The following CUX1 variants were observed in gnomAD, a reference collection of about 807,000 sequenced individuals.
CUX1 encodes the protein cut like homeobox 1, also known as protein CASP.
In CUX1, 31 loss-of-function variants were observed where a neutral mutation model predicts 158.8. The ratio of observed to expected loss-of-function variants is 0.20; its 90% confidence interval spans 0.15 to 0.26. The LOEUF (loss-of-function observed/expected upper bound fraction) is 0.26. CUX1 is among the 10% of genes least tolerant of loss of function. The pLI, the probability that CUX1 is intolerant of heterozygous loss-of-function variation, is 1.00. For missense variants in CUX1, 1,589 were observed against 2,014.6 expected (o/e 0.79, Z 4.04); for synonymous variants, 879 against 862.1 (o/e 1.02, Z -0.34).
intron 9 of CUX1, among the ~76,000 whole-genome samples, chr7:102,165,002 G>T (rs192060776): frequency 8.1e-4 from 124 of 152,270 alleles, no homozygotes; most frequent in Admixed American, 2.0e-3. Context: ...CAGGGTGGGG[G>T]AAGGAGTCTG....
rs1246831975 is a variant in CUX1, at chr7:102,041,666, ATTTTT to A, written c.189+13537_189+13541del. ...GGGCTTCATTTATATCTCCCTTTTG[ATTTTT>A]TTTTTTTTTTTTTTTGAGATGGAGT... On this transcript the variant is annotated intron_variant, in intron 3 of 23. Transcript: ENST00000292535. 7.6e-5 allele frequency among the ~76,000 whole-genome samples: 8 copies of A among 104,924 alleles called. No individual in the cohort carries two copies. In the East Asian group the frequency reaches 2.1e-3, roughly 28 times the overall value. The allele number at this position is 104,924 out of a possible 152,430, so 68.8% of individuals were successfully genotyped here. A position where few individuals can be genotyped will look rare whatever the true frequency, so the allele number is the denominator to read the frequency against.
At chr7:102,022,279 G>A (rs1387992276) in intron 2 of CUX1, among the ~76,000 whole-genome samples, 2 of 152,160 alleles carry the variant, frequency 1.3e-5, no homozygotes, top group Non-Finnish European at 2.9e-5. Context: ...TTGCTGTTCA[G>A]TTCTCTGACC....
rs142843929 is a variant in CUX1, at chr7:102,072,213, G to A, written c.268+1796G>A. ...GAGTGGGCTGAGCAGCCGCTCAAGG[G>A]CCCAGATACAGATTCTTCTCGGGTC... On this transcript the variant is annotated intron_variant, in intron 4 of 23. Transcript: ENST00000292535. Among the ~76,000 whole-genome samples the A allele has an allele frequency of 3.9e-4, 59 of 152,324 alleles. 1 individual carries two copies. Among genetic ancestry groups the A allele is most frequent in the African/African-American group, 1.3e-3 (56 of 41,574 alleles).
chr7:101,963,208 C>T (rs894313915), intron 2 of CUX1, among the ~76,000 whole-genome samples: 20 of 152,154 alleles, frequency 1.3e-4, no homozygotes, highest in African/African-American at 3.4e-4. Context: ...ACCCCAGCAC[C>T]GGTTTCAGTG....
chr7:101,847,475 A>T (rs1795818541), intron 1 of CUX1, among the ~76,000 whole-genome samples: 1 of 152,054 alleles, frequency 6.6e-6, no homozygotes. Context: ...TTGTTCCAGC[A>T]CTTCTTAGCT....
intron 1 of CUX1, among the ~76,000 whole-genome samples, chr7:101,829,736 C>G (rs1162887353): frequency 6.6e-6 from 1 of 152,094 alleles, no homozygotes; most frequent in African/African-American, 2.4e-5. Flanking sequence ...CTGGCTGGAG[C>G]CTTGCCCTGG....
At chr7:102,212,080 C>T (rs1554523332) in intron 20 of CUX1, among the ~76,000 whole-genome samples, 1 of 152,168 alleles carries the variant, frequency 6.6e-6, no homozygotes, top group Non-Finnish European at 1.5e-5. Context: ...CAAGCGCCTC[C>T]AGATGCTTGT....
chr7:102,107,535 C>G (rs1317871957), intron 6 of CUX1, among the ~76,000 whole-genome samples: 1 of 152,242 alleles, frequency 6.6e-6, no homozygotes, highest in African/African-American at 2.4e-5. Flanking sequence ...GAGCAAAACT[C>G]TGTCTCCAAA....
intron 3 of CUX1, among the ~76,000 whole-genome samples, chr7:102,065,614 G>T (rs140940401): frequency 9.9e-5 from 15 of 152,240 alleles, no homozygotes; most frequent in African/African-American, 3.6e-4. Flanking sequence ...TAAACTCATC[G>T]GCCTGACCGT....
intron 20 of CUX1, among the ~76,000 whole-genome samples, chr7:102,212,203 G>A (rs1351000146): frequency 1.3e-5 from 2 of 152,096 alleles, no homozygotes; most frequent in Admixed American, 1.3e-4. Flanking sequence ...GCCCTGCCTG[G>A]GGGACCCTGC....
Position 102,201,876 on chromosome 7 carries a change from G to T in CUX1, c.2579G>T (p.Gly860Val), listed in dbSNP as rs782389921. 37 of 1,613,332 alleles carry T rather than the reference G, an allele frequency of 2.3e-5. No homozygotes were observed. The highest frequency in any genetic ancestry group is 3.0e-5 in the Non-Finnish European group (35 of 1,179,898). ...AAGGGCAGCGGTGGCAGCGGAGGTG[G>T]CAGCCAGCCTCGGGCCGAGCGCAGT... is the stretch of plus-strand genomic sequence containing the variant. The part of the protein sequence containing the change: ...KEKGSGGSGG[G>V]SQPRAERSQL... Residue 860 changes from glycine to valine, a missense_variant, in exon 18 of 24, where the codon GGC (glycine) becomes GTC (valine). Physicochemically the swap from Gly to Val is moderately radical, Grantham distance 109. Transcript: ENST00000292535. This position sits in a 1 kb window ranked among gnomAD's most constrained non-coding sequence, Gnocchi z 5.0.
chr7:102,007,996 T>C (rs1157335161), intron 2 of CUX1, among the ~76,000 whole-genome samples: 1 of 152,132 alleles, frequency 6.6e-6, no homozygotes. Context: ...CTACCTGCCT[T>C]GGCCTCCCAA....
chr7:102,026,838 A>C (rs980104937), intron 2 of CUX1, among the ~76,000 whole-genome samples: 7 of 151,682 alleles, frequency 4.6e-5, no homozygotes, highest in Admixed American at 1.3e-4. Flanking sequence ...AAAAAAAAAA[A>C]AAAAAACATA....
chr7:101,862,040 G>A (rs1354096682), intron 1 of CUX1, among the ~76,000 whole-genome samples: 3 of 152,112 alleles, frequency 2.0e-5, no homozygotes, highest in Non-Finnish European at 4.4e-5. Context: ...TCACCATGTT[G>A]GCCAGGCTGG....
chr7:102,003,332 A>ACACG (rs1554448393), intron 2 of CUX1, among the ~76,000 whole-genome samples: 4 of 145,698 alleles, frequency 2.7e-5, no homozygotes, highest in African/African-American at 8.2e-5. Context: ...ACACACACAC[A>ACACG]CACGCCCGCC....
Position 101,817,730 on chromosome 7 carries a change from G to T in CUX1, c.30+61G>T. ...AGGCGCGGAGGGAACCGGGGATGTCGGGGGGTGCCCGGGTCCCGCGGCTTA... is the reference window on the plus strand; with the variant it reads ...AGGCGCGGAGGGAACCGGGGATGTCTGGGGGTGCCCGGGTCCCGCGGCTTA... On this transcript the variant is annotated intron_variant, in intron 1 of 23. Coordinates refer to ENST00000292535, the MANE Select transcript of CUX1 (RefSeq NM_181552.4). The surrounding 1 kb of genome is among the most constrained non-coding windows in gnomAD (Gnocchi z 4.1). 5 of 1,529,402 alleles carry T rather than the reference G, an allele frequency of 3.3e-6. No individual in the cohort carries two copies. Among genetic ancestry groups the T allele is most frequent in the South Asian group, 2.4e-5 (2 of 82,904 alleles). 94.7% of individuals were successfully genotyped at this position (1,529,402 alleles called of 1,614,324 possible).
chr7:102,042,537 G>A (rs1164213280), intron 3 of CUX1, among the ~76,000 whole-genome samples: 1 of 152,180 alleles, frequency 6.6e-6, no homozygotes, highest in Non-Finnish European at 1.5e-5. Flanking sequence ...ACTGGCCTGT[G>A]TATTATGAGT....
At chr7:102,164,853 T>G (rs1790833507) in intron 9 of CUX1, among the ~76,000 whole-genome samples, 1 of 152,022 alleles carries the variant, frequency 6.6e-6, no homozygotes, top group South Asian at 2.1e-4. Flanking sequence ...AGCCTGAGTT[T>G]TAATGGCCAT....
Position 102,087,499 on chromosome 7 carries a change from G to A in CUX1, c.269-9865G>A, listed in dbSNP as rs528442183. Among the ~76,000 whole-genome samples, 22 of 152,152 alleles carry A rather than the reference G, an allele frequency of 1.4e-4. No individual in the cohort carries two copies. In the East Asian group the frequency reaches 3.3e-3, roughly 23 times the overall value. On this transcript the variant is annotated intron_variant, in intron 4 of 23. Coordinates refer to ENST00000292535, the MANE Select transcript of CUX1 (RefSeq NM_181552.4). ...GGAGGCTGAGGCAGGAAAATCTCTC[G>A]AACCCGGGAGACAAAGGTTGCGGCG...
Sources: gnomAD v4.1 joint callset for allele counts (sites outside exome capture counted in the v4.1 genomes callset) on GRCh38, gnomAD v4.1.1 for gene constraint, Gnocchi (gnomAD v3.1) non-coding constraint, MANE v1.5 for transcripts, NCBI Gene and HGNC (gene_info 2026-07-23, HGNC 2026-07-21) for gene names.